Variants in SMOC1 observed in about 807,000 individuals in gnomAD.
SMOC1 encodes the protein SPARC-related modular calcium-binding protein 1.
In SMOC1, 22 loss-of-function variants were observed where a neutral mutation model predicts 56.3. That is an observed-to-expected ratio of 0.39 (90% CI 0.28 to 0.56). The LOEUF is 0.56. Ranked by LOEUF, SMOC1 falls within the 20% of genes least tolerant of loss-of-function variation. The pLI, the probability that SMOC1 is intolerant of heterozygous loss-of-function variation, is 0.61. For missense variants in SMOC1, 509 were observed against 565.4 expected, an observed-to-expected ratio of 0.90 and a Z score of 1.01; for synonymous variants, 193 against 215.0, an observed-to-expected ratio of 0.90 and a Z score of 0.89.
chr14:69,980,947 G>A (rs1052322588), intron 5 of SMOC1, among the ~76,000 whole-genome samples: 9 of 152,116 alleles, frequency 5.9e-5, no homozygotes, highest in Admixed American at 2.0e-4. Context: ...TCCACTGACC[G>A]GGCTGGGAGG....
chr14:70,014,280 A>T (rs944324619), intron 10 of SMOC1, among the ~76,000 whole-genome samples: 3 of 152,204 alleles, frequency 2.0e-5, no homozygotes, highest in African/African-American at 7.2e-5. Context: ...GAGTGCTAGG[A>T]CAGAGGTGGA....
chr14:70,003,142 G>T (rs571235570), intron 7 of SMOC1, among the ~76,000 whole-genome samples: 193 of 152,332 alleles, frequency 1.3e-3, no homozygotes, highest in African/African-American at 4.5e-3. Flanking sequence ...TCAACACACA[G>T]TTTGATATTT....
intron 10 of SMOC1, among the ~76,000 whole-genome samples, chr14:70,017,778 C>A (rs752861433): frequency 2.1e-4 from 32 of 152,168 alleles, no homozygotes; most frequent in Admixed American, 5.9e-4. Flanking sequence ...AGATACAGAA[C>A]AACCATATGA....
At chr14:70,011,449 CCCCT>C in intron 8 of SMOC1, 32 bp from the exon 9 acceptor site, 1 of 1,257,894 alleles carries the variant, frequency 7.9e-7, no homozygotes, top group Non-Finnish European at 1.2e-6. Context: ...CAGTTGCCAG[CCCCT>C]CCCAACCCCC....
chr14:69,927,970 G>A lies in SMOC1; in HGVS notation c.100-24168G>A, dbSNP rs367839833. On this transcript the variant is annotated intron_variant, in intron 1 of 11. Transcript: ENST00000361956. Reference sequence around the variant, plus strand: ...AATAAACAGAGGGGTGAAGGGGTCAGTGCAGGGAAGAGAAGGCAGTGGGGA... The same window carrying A: ...AATAAACAGAGGGGTGAAGGGGTCAATGCAGGGAAGAGAAGGCAGTGGGGA... Among the ~76,000 whole-genome samples, 17 of 152,320 alleles carry A rather than the reference G, an allele frequency of 1.1e-4. No individual in the cohort carries two copies. The South Asian group carries it at 3.5e-3, about 32-fold the overall frequency.
In SMOC1 at chr14:69,909,679, A is replaced by G. The variant is rs1217572124; in HGVS notation, c.99+29902A>G. 3.9e-5 allele frequency among the ~76,000 whole-genome samples: 6 copies of G among 152,340 alleles called. No individual in the cohort carries two copies. The South Asian group carries it at 8.3e-4, about 21-fold the overall frequency. ...GGAGAACAACCTTAGATTTTATGTT[A>G]TGCTGTGTAAAAAGCTTCCAGAAAA... On this transcript the variant is annotated intron_variant, in intron 1 of 11. Coordinates refer to ENST00000361956, the MANE Select transcript of SMOC1 (RefSeq NM_001034852.3).
intron 10 of SMOC1, among the ~76,000 whole-genome samples, chr14:70,021,755 C>T (rs1885735097): frequency 6.6e-6 from 1 of 152,122 alleles, no homozygotes; most frequent in Non-Finnish European, 1.5e-5. Flanking sequence ...TGAACTTGGA[C>T]GTTACTTGGT....
intron 1 of SMOC1, among the ~76,000 whole-genome samples, chr14:69,950,838 C>A (rs1193100569): frequency 6.6e-6 from 1 of 152,164 alleles, no homozygotes; most frequent in African/African-American, 2.4e-5. Flanking sequence ...TTGTATATGC[C>A]CCTTGATCTG....
At chr14:69,994,239 T>G in intron 6 of SMOC1, 161 bp from the exon 7 acceptor site, 1 of 748,608 alleles carries the variant, frequency 1.3e-6, no homozygotes, top group Admixed American at 1.8e-5. Context: ...AAGCTTCCGT[T>G]GTGAGGAAGG....
At chr14:69,888,408 GACGT>G (rs1883868722) in intron 1 of SMOC1, among the ~76,000 whole-genome samples, 1 of 152,168 alleles carries the variant, frequency 6.6e-6, no homozygotes, top group Non-Finnish European at 1.5e-5. Context: ...ATACTTCCTG[GACGT>G]CACCTTGGTT....
chr14:69,904,220 A>G (rs900139348), intron 1 of SMOC1, among the ~76,000 whole-genome samples: 11 of 152,252 alleles, frequency 7.2e-5, no homozygotes. Flanking sequence ...GTCATTCACA[A>G]CAGAGAGTCA....
chr14:69,973,990 A>G (rs1163839878), intron 3 of SMOC1, among the ~76,000 whole-genome samples: 1 of 152,228 alleles, frequency 6.6e-6, no homozygotes, highest in Non-Finnish European at 1.5e-5. Flanking sequence ...TGTAATTGAG[A>G]TCTACATTTA....
chr14:69,879,842 C>CT, intron 1 of SMOC1, 65 bp downstream of exon 1: 1 of 1,368,078 alleles, frequency 7.3e-7, no homozygotes, highest in Non-Finnish European at 9.9e-7. Flanking sequence ...CCCCTCATCC[C>CT]TGAGGGAAGG....
At chr14:69,986,556 G>A (rs1317084731) in intron 5 of SMOC1, among the ~76,000 whole-genome samples, 1 of 152,064 alleles carries the variant, frequency 6.6e-6, no homozygotes, top group African/African-American at 2.4e-5. Flanking sequence ...AACTGGGTGA[G>A]GGGTACACAG....
chr14:69,986,530 C>T (rs749851088), intron 5 of SMOC1, among the ~76,000 whole-genome samples: 4 of 152,136 alleles, frequency 2.6e-5, no homozygotes, highest in Admixed American at 6.5e-5. Flanking sequence ...ACTATAAAGC[C>T]GTTACCATTG....
chr14:69,889,517 G>A (rs722816), intron 1 of SMOC1, among the ~76,000 whole-genome samples: 33,878 of 152,098 alleles, frequency 0.22, 4,799 homozygotes, highest in African/African-American at 0.4. Context: ...TTGGGCACCC[G>A]GGCTAGTAAT....
At chr14:69,898,144 A>G (rs1337542047) in intron 1 of SMOC1, among the ~76,000 whole-genome samples, 3 of 152,216 alleles carry the variant, frequency 2.0e-5, no homozygotes, top group East Asian at 3.8e-4. Flanking sequence ...TAAGTTGGAT[A>G]TAATTCTTAT....
intron 3 of SMOC1, among the ~76,000 whole-genome samples, chr14:69,970,418 T>TC (rs1555362089): frequency 6.6e-6 from 1 of 152,190 alleles, no homozygotes; most frequent in Non-Finnish European, 1.5e-5. Flanking sequence ...CTTTTTCCAG[T>TC]CCATCAGTTC....
chr14:69,942,043 A>G (rs1415551955), intron 1 of SMOC1, among the ~76,000 whole-genome samples: 1 of 151,938 alleles, frequency 6.6e-6, no homozygotes, highest in Non-Finnish European at 1.5e-5. Flanking sequence ...TGCCTCTCCT[A>G]TCCTCTCTTT....
Sources: gnomAD v4.1 joint callset for allele counts (sites outside exome capture counted in the v4.1 genomes callset) on GRCh38, gnomAD v4.1.1 for gene constraint, MANE v1.5 for transcripts, NCBI Gene and HGNC (gene_info 2026-07-23, HGNC 2026-07-21) for gene names.